Variants in CHD2 observed in about 807,000 individuals in gnomAD.
The protein encoded by CHD2 is chromodomain helicase DNA binding protein 2, also known as ATP-dependent chromatin remodeler CHD2.
Under a neutral mutation model 243.9 loss-of-function variants are expected in CHD2, and 28 were observed. The ratio of observed to expected loss-of-function variants is 0.11; its 90% CI spans 0.09 to 0.16. The LOEUF (loss-of-function observed/expected upper bound fraction) is 0.16, where lower values mean the gene tolerates loss of function less well. CHD2 is among the 10% of genes least tolerant of loss of function. The pLI is 1.00. For missense variants in CHD2, 1,386 were observed against 2,209.8 expected (o/e 0.63, Z 7.47); for synonymous variants, 775 against 779.0 (o/e 0.99, Z 0.09).
chr15:92,942,832 T>A lies in CHD2; in HGVS notation c.827-11T>A. ...TATACTCTCTTTCAAGTGTACTTAATCCTTTTGCAGCCACTGGAGCATCTA... is the reference window on the plus strand; with the variant it reads ...TATACTCTCTTTCAAGTGTACTTAAACCTTTTGCAGCCACTGGAGCATCTA... On this transcript the variant is annotated splice_polypyrimidine_tract_variant and intron_variant, in intron 8 of 38. Transcript: ENST00000394196. The A allele has an allele frequency of 6.3e-7, 1 of 1,592,562 alleles. No individual in the cohort carries two copies.
At chr15:92,999,067 G>A (rs545305310) in intron 31 of CHD2, among the ~76,000 whole-genome samples, 1 of 118,550 alleles carries the variant, frequency 8.4e-6, no homozygotes, top group African/African-American at 3.5e-5. Flanking sequence ...CTGGGCAACA[G>A]AGCGAGACTC....
At chr15:92,908,057 T>C in intron 2 of CHD2, among the ~76,000 whole-genome samples, 1 of 146,842 alleles carries the variant, frequency 6.8e-6, no homozygotes, top group African/African-American at 2.5e-5. Context: ...AGAGAGCATA[T>C]GACTCTTCCT....
chr15:93,016,775 G>C (rs1361647418), intron 37 of CHD2, among the ~76,000 whole-genome samples: 1 of 7,176 alleles, frequency 1.4e-4, no homozygotes, highest in Non-Finnish European at 2.9e-3. Flanking sequence ...GAGTGAGACC[G>C]TCTCAAAAAA....
rs1201077410 is a variant in CHD2 at position 92,964,481 on chromosome 15, A to G, written c.2001-2844A>G. Among the ~76,000 whole-genome samples the G allele has an allele frequency of 3.9e-5, 6 of 152,356 alleles. No individual in the cohort carries two copies. The East Asian group carries it at 7.7e-4, about 20-fold the overall frequency. On this transcript the variant is annotated intron_variant, in intron 16 of 38. Coordinates refer to ENST00000394196, the MANE Select transcript of CHD2 (RefSeq NM_001271.4). ...CTTTTGAAGAAAGGATCCACTGAAG[A>G]AAAACTATTGTAAAGGAGAGAATTA...
chr15:93,020,277 G>C lies in CHD2; in HGVS notation c.5153+19G>C. 1 of 1,614,076 alleles carries C rather than the reference G, an allele frequency of 6.2e-7. No individual in the cohort carries two copies. The highest frequency in any genetic ancestry group is 8.5e-7 in the Non-Finnish European group (1 of 1,180,010). On this transcript the variant is annotated intron_variant, in intron 38 of 38. Coordinates refer to ENST00000394196, the MANE Select transcript of CHD2 (RefSeq NM_001271.4). ...ATGACAGGTATGCAAAAGGCTGTGA[G>C]ACACCAGGTGCCAACCTTTGCCAGG...
chr15:92,925,064 G>A (rs1260583989), intron 3 of CHD2, among the ~76,000 whole-genome samples: 1 of 152,140 alleles, frequency 6.6e-6, no homozygotes, highest in Non-Finnish European at 1.5e-5. Context: ...GCCTCCCAAA[G>A]TGCTGGGATT....
At chr15:92,993,432 A>G (rs974751798) in intron 28 of CHD2, among the ~76,000 whole-genome samples, 1 of 152,212 alleles carries the variant, frequency 6.6e-6, no homozygotes, top group African/African-American at 2.4e-5. Context: ...AAAATATTGG[A>G]TGAGTATCGT....
intron 2 of CHD2, among the ~76,000 whole-genome samples, chr15:92,920,717 A>C (rs1302169522): frequency 6.6e-6 from 1 of 152,198 alleles, no homozygotes; most frequent in East Asian, 1.9e-4. Flanking sequence ...CCAAAACATG[A>C]TTCTATTCTT....
chr15:92,974,989 C>G (rs1234372779), intron 20 of CHD2, 39 bp downstream of exon 20: 1 of 1,540,046 alleles, frequency 6.5e-7, no homozygotes, highest in Admixed American at 1.7e-5. Flanking sequence ...GCAACTTGGG[C>G]TCTGCATCAA....
chr15:92,944,171 A>G (rs1461185438), intron 9 of CHD2: 4 of 287,618 alleles, frequency 1.4e-5, no homozygotes, highest in Non-Finnish European at 2.7e-5. Flanking sequence ...GACAGGACAC[A>G]TCAGAGGCAG....
intron 2 of CHD2, chr15:92,904,792 G>A: frequency 1.4e-6 from 2 of 1,456,046 alleles, no homozygotes; most frequent in South Asian, 2.9e-5. Context: ...CCCGTTCAGT[G>A]TGAAGAGATG....
chr15:93,002,066 T>G, intron 32 of CHD2, 111 bp from the exon 33 acceptor site: 1 of 1,399,730 alleles, frequency 7.1e-7, no homozygotes, highest in Non-Finnish European at 9.4e-7. Flanking sequence ...AAAACAAGCT[T>G]CTAAGTATAG....
intron 16 of CHD2, among the ~76,000 whole-genome samples, chr15:92,958,259 A>G (rs1480980046): frequency 6.6e-6 from 1 of 152,216 alleles, no homozygotes; most frequent in East Asian, 1.9e-4. Context: ...CGTCATCACC[A>G]GGACTTGGTG....
At chr15:92,904,854 G>T in intron 2 of CHD2, 2 of 1,526,018 alleles carry the variant, frequency 1.3e-6, no homozygotes, top group South Asian at 1.2e-5. Context: ...GTCAGAGGCG[G>T]ATACTTTTAT....
chr15:92,980,233 T>C (rs2053961973), intron 22 of CHD2, among the ~76,000 whole-genome samples: 1 of 150,132 alleles, frequency 6.7e-6, no homozygotes, highest in South Asian at 2.1e-4. Flanking sequence ...TTTTTTTTTT[T>C]TTTTTTTAGT....
chr15:92,968,370 A>C (rs1006686044), intron 17 of CHD2, among the ~76,000 whole-genome samples: 1 of 152,208 alleles, frequency 6.6e-6, no homozygotes, highest in African/African-American at 2.4e-5. Context: ...AAAATAAAAA[A>C]ATTTTTAAAA....
intron 17 of CHD2, among the ~76,000 whole-genome samples, chr15:92,971,333 G>T (rs2053838293): frequency 6.6e-6 from 1 of 152,194 alleles, no homozygotes; most frequent in African/African-American, 2.4e-5. Flanking sequence ...AAAGTTTTGA[G>T]TGCCATTTTG....
chr15:93,019,947 A>AAAG (rs1309240805), intron 37 of CHD2, 65 bp from the exon 38 acceptor site: 11 of 1,547,340 alleles, frequency 7.1e-6, no homozygotes, highest in African/African-American at 1.4e-5. Context: ...AAAAAAAAAA[A>AAAG]TTGTAGTGAA....
intron 5 of CHD2, among the ~76,000 whole-genome samples, chr15:92,934,017 G>T: frequency 6.6e-6 from 1 of 152,224 alleles, no homozygotes; most frequent in South Asian, 2.1e-4. Context: ...TCAAAAGCAT[G>T]CTTTCTTGGG....
Sources: allele counts gnomAD v4.1 joint callset (sites outside exome capture counted in the v4.1 genomes callset), GRCh38; gene constraint gnomAD v4.1.1; transcripts MANE v1.5; gene names NCBI Gene and HGNC (gene_info 2026-07-23, HGNC 2026-07-21).